Variants in MARCHF4 observed in about 807,000 individuals in gnomAD.
The protein encoded by MARCHF4 is E3 ubiquitin-protein ligase MARCHF4.
Under a neutral mutation model 43.9 loss-of-function variants are expected in MARCHF4, and 14 were observed. The ratio of observed to expected loss-of-function variants is 0.32; its 90% CI spans 0.21 to 0.50. MARCHF4 has a LOEUF of 0.50. Among genes scored for constraint, MARCHF4 ranks in the 20% least tolerant of loss-of-function variants. The pLI is 0.98. For missense variants in MARCHF4, 468 were observed against 536.7 expected (o/e 0.87, Z 1.27); for synonymous variants, 226 against 213.3 (o/e 1.06, Z -0.52).
At chr2:216,307,221 GC>G (rs1274689750) in intron 1 of MARCHF4, among the ~76,000 whole-genome samples, 1 of 152,160 alleles carries the variant, frequency 6.6e-6, no homozygotes, top group African/African-American at 2.4e-5. Context: ...GAAGGAGGCA[GC>G]CCCGCAGGGA....
intron 1 of MARCHF4, among the ~76,000 whole-genome samples, chr2:216,286,376 A>G (rs1437563571): frequency 6.6e-6 from 1 of 152,026 alleles, no homozygotes; most frequent in Non-Finnish European, 1.5e-5. Context: ...CCATCTCTAC[A>G]AAAAATATAA....
intron 1 of MARCHF4, chr2:216,351,593 A>C (rs189814961): frequency 6.6e-6 from 1 of 152,280 alleles, no homozygotes; most frequent in African/African-American, 2.4e-5. Context: ...CAGGACCACT[A>C]TCATGAGCTG....
chr2:216,339,202 A>G (rs937504470), intron 1 of MARCHF4, among the ~76,000 whole-genome samples: 1 of 152,206 alleles, frequency 6.6e-6, no homozygotes, highest in African/African-American at 2.4e-5. Flanking sequence ...CTGGCACCCA[A>G]CAGCAGTCTT....
At position 216,371,446 on chromosome 2, in the gene MARCHF4, C is replaced by T. The variant is rs1345661155; in HGVS notation, c.-1186G>A. On this transcript the variant is annotated 5_prime_UTR_variant, in exon 1 of 4. Transcript: ENST00000273067. ...TCCTCTGGGTCGCGGTCGCCCTCCT[C>T]CTCCGGCTCCGGGTCGGCCCGCGCC... is the stretch of plus-strand genomic sequence containing the variant. The T allele has an allele frequency of 1.3e-5, 2 of 152,530 alleles. No individual in the cohort carries two copies. Among genetic ancestry groups the T allele is most frequent in the Non-Finnish European group, 2.9e-5 (2 of 68,226 alleles). 9.4% of individuals were successfully genotyped at this position (152,530 alleles called of 1,614,324 possible).
At chr2:216,262,041 TG>T (rs1335745226) in intron 3 of MARCHF4, among the ~76,000 whole-genome samples, 1 of 152,166 alleles carries the variant, frequency 6.6e-6, no homozygotes, top group Non-Finnish European at 1.5e-5. Context: ...ATGATAGAAA[TG>T]ACAGCAAGAA....
At chr2:216,366,567 G>A (rs886894073) in intron 1 of MARCHF4, among the ~76,000 whole-genome samples, 2 of 151,770 alleles carry the variant, frequency 1.3e-5, no homozygotes, top group East Asian at 3.9e-4. Flanking sequence ...TCACATTCAC[G>A]CTTTTGAACT....
At chr2:216,339,373 T>A (rs1222299130) in intron 1 of MARCHF4, among the ~76,000 whole-genome samples, 4 of 152,186 alleles carry the variant, frequency 2.6e-5, no homozygotes, top group African/African-American at 7.2e-5. Context: ...AAAAAGCCCA[T>A]AATCCCCTTG....
chr2:216,301,805 C>A (rs75740478), intron 1 of MARCHF4, among the ~76,000 whole-genome samples: 7,566 of 152,156 alleles, frequency 0.05, 610 homozygotes, highest in African/African-American at 0.17. Context: ...CCTCTTGGTG[C>A]CTTAGTTTTC....
chr2:216,319,418 C>A (rs577533579), intron 1 of MARCHF4, among the ~76,000 whole-genome samples: 2 of 152,138 alleles, frequency 1.3e-5, no homozygotes, highest in African/African-American at 4.8e-5. Context: ...GCACGGCAGA[C>A]ACTCATAAAT....
intron 1 of MARCHF4, among the ~76,000 whole-genome samples, chr2:216,291,099 G>A (rs1391218783): frequency 6.6e-6 from 1 of 152,174 alleles, no homozygotes; most frequent in Non-Finnish European, 1.5e-5. Context: ...GTAGGAAAAG[G>A]AAGGGGTGCC....
Position 216,363,173 on chromosome 2 carries a change from T to C in MARCHF4, c.516+6572A>G, listed in dbSNP as rs116054690. On this transcript the variant is annotated intron_variant, in intron 1 of 3. Transcript: ENST00000273067. ...ATCCATATTTCATAACTTCCTGCCC[T>C]GCTAGCCTTAAGTAACTTTCTCAAT... Among the ~76,000 whole-genome samples, 1,449 of 152,324 alleles carry C rather than the reference T, an allele frequency of 9.5e-3. 30 individuals are homozygous for C. The highest frequency in any genetic ancestry group is 0.011 in the Non-Finnish European group (726 of 68,026).
chr2:216,370,185 C>T lies in MARCHF4; in HGVS notation c.76G>A (p.Ala26Thr). The change falls in exon 1 of 4, where the codon GCC becomes ACC. Residue 26 changes from alanine to threonine, a missense_variant. This residue lies in a region of MARCHF4 where 190 missense variants were observed against 158.5 expected (regional missense o/e 1.20). Coordinates refer to ENST00000273067, the MANE Select transcript of MARCHF4 (RefSeq NM_020814.3). The part of the protein sequence containing the change: ...CSGWYCYGLC[A>T]PAPQMLRHQG... ...TGGCGCAACATCTGGGGGGCTGGGG[C>T]ACACAATCCATAGCAGTACCAGCCG... The T allele has an allele frequency of 6.2e-7, 1 of 1,612,728 alleles. No homozygotes were observed. The highest frequency in any genetic ancestry group is 8.5e-7 in the Non-Finnish European group (1 of 1,179,642).
At chr2:216,315,454 G>GA (rs1691758469) in intron 1 of MARCHF4, among the ~76,000 whole-genome samples, 1 of 152,128 alleles carries the variant, frequency 6.6e-6, no homozygotes, top group African/African-American at 2.4e-5. Context: ...CAGTTCTGCA[G>GA]AAAAATTTAA....
chr2:216,282,938 G>T lies in MARCHF4; in HGVS notation c.672+636C>A, dbSNP rs189390942. ...TCTGTCCCTTGCCATTGGAAGTGTG[G>T]TCTCTGAACCAGAAGCATCAACAGA... On this transcript the variant is annotated intron_variant, in intron 2 of 3. Coordinates refer to ENST00000273067, the MANE Select transcript of MARCHF4 (RefSeq NM_020814.3). 2.4e-3 allele frequency among the ~76,000 whole-genome samples: 361 copies of T among 152,082 alleles called. 2 individuals carry two copies. Among genetic ancestry groups the T allele is most frequent in the Non-Finnish European group, 3.2e-3 (218 of 68,014 alleles).
intron 1 of MARCHF4, among the ~76,000 whole-genome samples, chr2:216,316,561 C>T (rs946235493): frequency 6.6e-6 from 1 of 151,672 alleles, no homozygotes; most frequent in Non-Finnish European, 1.5e-5. Context: ...AAATGGGGGG[C>T]GGGAGAGGGG....
At chr2:216,298,274 T>G (rs1017613846) in intron 1 of MARCHF4, among the ~76,000 whole-genome samples, 4 of 144,456 alleles carry the variant, frequency 2.8e-5, no homozygotes, top group Middle Eastern at 3.5e-3. Context: ...TTTTTTTTTT[T>G]TTTTTTTTTT....
chr2:216,259,805 AC>A, intron 3 of MARCHF4, 126 bp from the exon 4 acceptor site: 1 of 943,862 alleles, frequency 1.1e-6, no homozygotes, highest in Non-Finnish European at 1.6e-6. Flanking sequence ...CCATGGGAGG[AC>A]CATCCCTAGA....
At chr2:216,306,019 A>G (rs1691581219) in intron 1 of MARCHF4, among the ~76,000 whole-genome samples, 1 of 152,100 alleles carries the variant, frequency 6.6e-6, no homozygotes, top group Non-Finnish European at 1.5e-5. Context: ...AGTTGTCATT[A>G]TCATTATTGT....
At chr2:216,306,832 T>TA (rs1691594527) in intron 1 of MARCHF4, among the ~76,000 whole-genome samples, 1 of 151,476 alleles carries the variant, frequency 6.6e-6, no homozygotes, top group Non-Finnish European at 1.5e-5. Context: ...CTTTGGGTGT[T>TA]AAAATCTCCT....
Sources: allele counts gnomAD v4.1 joint callset (sites outside exome capture counted in the v4.1 genomes callset), GRCh38; gene constraint gnomAD v4.1.1; regional missense constraint gnomAD v4.1.1; transcripts MANE v1.5; gene names NCBI Gene and HGNC (gene_info 2026-07-23, HGNC 2026-07-21).